The following SNTG1 variants were observed in gnomAD, a reference collection of about 807,000 sequenced individuals.
SNTG1 encodes gamma-1-syntrophin.
Under a neutral mutation model 74.7 loss-of-function variants are expected in SNTG1, and 39 were observed. The ratio of observed to expected loss-of-function variants is 0.52; its 90% CI spans 0.40 to 0.68. SNTG1 has a LOEUF of 0.68. SNTG1 is among the 30% of genes least tolerant of loss of function. The pLI, the probability that SNTG1 is intolerant of heterozygous loss-of-function variation, is 0.00. For missense variants in SNTG1, 685 were observed against 609.5 expected, an observed-to-expected ratio of 1.12 and a Z score of -1.30; for synonymous variants, 254 against 217.1, an observed-to-expected ratio of 1.17 and a Z score of -1.49.
intron 1 of SNTG1, among the ~76,000 whole-genome samples, chr8:50,069,271 AGTGGTATCATGTTG>A (rs1231118275): frequency 2.0e-5 from 3 of 152,180 alleles, no homozygotes; most frequent in African/African-American, 7.2e-5. Flanking sequence ...CTTTGGGCTC[AGTGGTATCATGTTG>A]GTGGCCAGTT....
intron 13 of SNTG1, among the ~76,000 whole-genome samples, chr8:50,637,380 A>G (rs1001693318): frequency 4.6e-5 from 7 of 152,102 alleles, no homozygotes; most frequent in African/African-American, 1.7e-4. Context: ...AGTTAATTCA[A>G]TTAGGTAACC....
At chr8:50,736,099 C>A (rs2095528003) in intron 17 of SNTG1, among the ~76,000 whole-genome samples, 1 of 151,998 alleles carries the variant, frequency 6.6e-6, no homozygotes, top group African/African-American at 2.4e-5. Context: ...CCAGGCCTGC[C>A]TTACCAGAGC....
At chr8:50,184,363 AC>A in intron 2 of SNTG1, among the ~76,000 whole-genome samples, 1 of 152,068 alleles carries the variant, frequency 6.6e-6, no homozygotes, top group East Asian at 1.9e-4. Flanking sequence ...ACAGGGTTTC[AC>A]CATGTTGGTC....
chr8:50,734,760 T>C (rs974356720), intron 17 of SNTG1, among the ~76,000 whole-genome samples: 2 of 115,478 alleles, frequency 1.7e-5, no homozygotes, highest in Admixed American at 8.1e-5. Flanking sequence ...TAGATATCTA[T>C]ATATATGGAC....
chr8:50,402,232 T>G lies in SNTG1; in HGVS notation c.50T>G (p.Leu17Arg). 6.2e-7 allele frequency: 1 copy of G among 1,603,066 alleles called. No homozygotes were observed. Among genetic ancestry groups the G allele is most frequent in the East Asian group, 2.2e-5 (1 of 44,822 alleles). ...AAGACAAAGACAGGAATTTGTTTGC[T>G]GCAGGATGGTAACCAGGAGCCTTTC... ...CEETKTGICLLQDGNQEPFKV... is the reference protein window; with the variant it reads ...CEETKTGICLRQDGNQEPFKV... The change falls in exon 4 of 19, where the codon CTG becomes CGG. Residue 17 changes from leucine to arginine, a missense_variant. Coordinates refer to ENST00000642720, the MANE Select transcript of SNTG1 (RefSeq NM_018967.5).
At chr8:50,447,514 T>A (rs147147825) in intron 5 of SNTG1, among the ~76,000 whole-genome samples, 2 of 152,184 alleles carry the variant, frequency 1.3e-5, no homozygotes, top group Non-Finnish European at 2.9e-5. Context: ...ATCCTTAACA[T>A]CCTTTCTAAT....
chr8:50,406,984 A>C (rs1443495457), intron 4 of SNTG1, among the ~76,000 whole-genome samples: 1 of 151,646 alleles, frequency 6.6e-6, no homozygotes, highest in Non-Finnish European at 1.5e-5. Flanking sequence ...TTTGAGAAAA[A>C]CTCCCTTTGT....
chr8:50,439,259 T>G (rs951198522), intron 5 of SNTG1, among the ~76,000 whole-genome samples: 20 of 152,098 alleles, frequency 1.3e-4, no homozygotes, highest in African/African-American at 4.8e-4. Flanking sequence ...TATTGAAGAG[T>G]TAATCTCATG....
chr8:50,762,624 T>C (rs2095602189), intron 18 of SNTG1: 3 of 428,404 alleles, frequency 7.0e-6, no homozygotes, highest in East Asian at 6.1e-5. Flanking sequence ...TCTCCCCAGG[T>C]GATGCCTTTG....
At chr8:49,917,802 G>T (rs1806175754) in intron 1 of SNTG1, among the ~76,000 whole-genome samples, 1 of 152,102 alleles carries the variant, frequency 6.6e-6, no homozygotes, top group Non-Finnish European at 1.5e-5. Flanking sequence ...CAGGGTGCAG[G>T]CAGTTCATGT....
At chr8:50,573,343 T>G (rs987845319) in intron 12 of SNTG1, among the ~76,000 whole-genome samples, 1 of 152,068 alleles carries the variant, frequency 6.6e-6, no homozygotes, top group Non-Finnish European at 1.5e-5. Context: ...CTTCTGTTTC[T>G]TAAATTTTTT....
chr8:50,282,383 T>C (rs2088516762), intron 2 of SNTG1, among the ~76,000 whole-genome samples: 1 of 150,388 alleles, frequency 6.6e-6, no homozygotes, highest in Admixed American at 6.6e-5. Flanking sequence ...TCTTTCACTG[T>C]TGAGCCATTT....
chr8:50,787,263 C>T (rs1165438091), intron 18 of SNTG1, among the ~76,000 whole-genome samples: 1 of 151,634 alleles, frequency 6.6e-6, no homozygotes, highest in Admixed American at 6.6e-5. Context: ...CATCAAAATG[C>T]AAATCAAAAC....
At chr8:50,369,455 G>T (rs2092211969) in intron 2 of SNTG1, among the ~76,000 whole-genome samples, 3 of 152,194 alleles carry the variant, frequency 2.0e-5, no homozygotes, top group Admixed American at 6.5e-5. Context: ...AATTAGCCAG[G>T]GGTGGTAGTG....
At chr8:50,217,491 A>G (rs1156801376) in intron 2 of SNTG1, among the ~76,000 whole-genome samples, 6 of 152,114 alleles carry the variant, frequency 3.9e-5, no homozygotes, top group African/African-American at 1.4e-4. Context: ...CTGTCATGTA[A>G]TGTTCTTACC....
chr8:50,486,515 T>G (rs1012568923), intron 8 of SNTG1, among the ~76,000 whole-genome samples: 2 of 126,126 alleles, frequency 1.6e-5, no homozygotes, highest in African/African-American at 5.7e-5. Flanking sequence ...CCTGAGACTT[T>G]GCTGAAGTTG....
chr8:50,298,554 A>C (rs1385924609), intron 2 of SNTG1, among the ~76,000 whole-genome samples: 1 of 152,192 alleles, frequency 6.6e-6, no homozygotes, highest in Non-Finnish European at 1.5e-5. Flanking sequence ...GGGCTGATGC[A>C]CTTATTATTT....
chr8:50,625,714 A>G (rs1047919113), intron 13 of SNTG1, among the ~76,000 whole-genome samples: 1 of 152,218 alleles, frequency 6.6e-6, no homozygotes, highest in African/African-American at 2.4e-5. Context: ...AAAGTATTCA[A>G]TTCTTGCTTT....
chr8:50,275,277 T>C (rs2088028642), intron 2 of SNTG1, among the ~76,000 whole-genome samples: 1 of 152,198 alleles, frequency 6.6e-6, no homozygotes, highest in Non-Finnish European at 1.5e-5. Context: ...AGACAACTGA[T>C]ATTTAAAGTG....
Sources: gnomAD v4.1 joint callset for allele counts (sites outside exome capture counted in the v4.1 genomes callset) on GRCh38, gnomAD v4.1.1 for gene constraint, MANE v1.5 for transcripts, NCBI Gene and HGNC (gene_info 2026-07-23, HGNC 2026-07-21) for gene names.